Variants in TASP1 observed in about 807,000 individuals in gnomAD.
The protein encoded by TASP1 is threonine aspartase 1.
A neutral mutation model predicts 56.6 loss-of-function variants in TASP1; 16 were observed. That is an observed-to-expected ratio of 0.28 (90% CI 0.19 to 0.43). The LOEUF (loss-of-function observed/expected upper bound fraction) is 0.43. TASP1 is among the 20% of genes least tolerant of loss of function. TASP1 has a pLI of 1.00. For synonymous variants in TASP1, 179 were observed against 184.2 expected (o/e 0.97, Z 0.23); for missense variants, 393 against 511.6 (o/e 0.77, Z 2.24).
the TASP1 span, among the ~76,000 whole-genome samples, chr20:13,249,548 G>A: frequency 4.6e-4 from 70 of 152,280 alleles, no homozygotes; most frequent in East Asian, 0.011. Context: ...TATACACCTC[G>A]GAAAATAAAC....
chr20:13,559,301 A>T (rs988986908), intron 7 of TASP1, among the ~76,000 whole-genome samples, 187 bp from the exon 8 acceptor site: 6 of 152,144 alleles, frequency 3.9e-5, no homozygotes, highest in Non-Finnish European at 8.8e-5. Flanking sequence ...AAGATTTTAA[A>T]ATTAAGAAAA....
chr20:13,557,622 C>G (rs2046209039), intron 8 of TASP1, among the ~76,000 whole-genome samples: 2 of 144,540 alleles, frequency 1.4e-5, no homozygotes, highest in Non-Finnish European at 3.0e-5. Context: ...ACTCCATCAC[C>G]CAGGCTAGAG....
chr20:13,598,887 CA>C (rs1164847602), intron 4 of TASP1, among the ~76,000 whole-genome samples: 4 of 152,180 alleles, frequency 2.6e-5, no homozygotes, highest in African/African-American at 9.7e-5. Context: ...AGACACTTCT[CA>C]ATAGAAGACA....
chr20:13,273,900 T>C, the TASP1 span, among the ~76,000 whole-genome samples: 154 of 152,214 alleles, frequency 1.0e-3, no homozygotes, highest in Non-Finnish European at 2.0e-3. Context: ...ATTGATCTGA[T>C]GACGTTTTGG....
downstream of TASP1, among the ~76,000 whole-genome samples, chr20:13,386,450 T>C (rs2041163370): frequency 6.9e-6 from 1 of 145,936 alleles, no homozygotes; most frequent in Admixed American, 6.6e-5. Flanking sequence ...CTAATTTTTT[T>C]CCTAATAAGC....
intron 8 of TASP1, 94 bp from the exon 9 acceptor site, chr20:13,534,235 C>G (rs1416572889): frequency 7.8e-6 from 11 of 1,408,104 alleles, no homozygotes; most frequent in Non-Finnish European, 1.0e-5. Flanking sequence ...CATGACAGAA[C>G]AAAATCTAAA....
the TASP1 span, among the ~76,000 whole-genome samples, chr20:13,257,293 T>C: frequency 6.6e-6 from 1 of 152,086 alleles, no homozygotes; most frequent in Non-Finnish European, 1.5e-5. Flanking sequence ...AGTGGGAGGA[T>C]CATCTGAGGT....
rs546458539 is a variant in TASP1, at chr20:13,609,046, G to A, written c.282+14400C>T. On this transcript the variant is annotated intron_variant, in intron 4 of 13. Transcript: ENST00000337743. ...TAATTTCAGACTTATAGAAAAGTAC[G>A]ATAGTCTAGTATCTAGACTATATAA... 4.3e-4 allele frequency among the ~76,000 whole-genome samples: 65 copies of A among 152,180 alleles called. No individual in the cohort carries two copies. The South Asian group carries it at 5.4e-3, about 13-fold the overall frequency.
At chr20:13,263,374 C>T in the TASP1 span, among the ~76,000 whole-genome samples, 7 of 152,006 alleles carry the variant, frequency 4.6e-5, no homozygotes, top group Admixed American at 1.3e-4. Context: ...ATCGTGGTCT[C>T]CATCCATCTT....
chr20:13,305,225 A>G, the TASP1 span, among the ~76,000 whole-genome samples: 1 of 150,460 alleles, frequency 6.6e-6, no homozygotes, highest in South Asian at 2.1e-4. Flanking sequence ...AAAAACCCTT[A>G]ATTTTTATTA....
chr20:13,353,279 C>T, the TASP1 span, among the ~76,000 whole-genome samples: 3 of 150,934 alleles, frequency 2.0e-5, no homozygotes, highest in Non-Finnish European at 4.4e-5. Flanking sequence ...CCTTCCCTGT[C>T]TCTGTTGTAG....
chr20:13,120,896 C>T, the TASP1 span, among the ~76,000 whole-genome samples: 5 of 152,144 alleles, frequency 3.3e-5, no homozygotes, highest in Non-Finnish European at 7.4e-5. Flanking sequence ...GGGTTTGGAG[C>T]CGCTATAGAT....
chr20:13,612,491 A>AACACACACACACACAC (rs34343791), intron 4 of TASP1, among the ~76,000 whole-genome samples: 2 of 143,994 alleles, frequency 1.4e-5, no homozygotes, highest in Non-Finnish European at 3.1e-5. Flanking sequence ...ATTTGTAGCA[A>AACACACACACACACAC]ACACACACAC....
chr20:13,243,641 A>G, the TASP1 span, among the ~76,000 whole-genome samples: 1 of 145,218 alleles, frequency 6.9e-6, no homozygotes, highest in East Asian at 2.0e-4. Flanking sequence ...CTTTTCAAAT[A>G]TAAGCTATGA....
chr20:13,424,951 C>T (rs1365664331), intron 12 of TASP1, among the ~76,000 whole-genome samples: 2 of 152,088 alleles, frequency 1.3e-5, no homozygotes, highest in African/African-American at 4.8e-5. Context: ...TGTGAGAAAA[C>T]GTACACACCA....
At chr20:13,160,943 C>G in the TASP1 span, among the ~76,000 whole-genome samples, 1 of 152,124 alleles carries the variant, frequency 6.6e-6, no homozygotes, top group East Asian at 1.9e-4. Flanking sequence ...GAGCATCATT[C>G]AAGACTTCCA....
At chr20:13,230,154 G>A in the TASP1 span, among the ~76,000 whole-genome samples, 836 of 152,226 alleles carry the variant, frequency 5.5e-3, 8 homozygotes, top group African/African-American at 0.019. Context: ...TGGTTTTAAT[G>A]CCTCCAAAGC....
chr20:13,604,417 C>T (rs1416983322), intron 4 of TASP1, among the ~76,000 whole-genome samples: 1 of 152,190 alleles, frequency 6.6e-6, no homozygotes, highest in Non-Finnish European at 1.5e-5. Context: ...GATATACCGA[C>T]TCCTCCTTTG....
the TASP1 span, among the ~76,000 whole-genome samples, chr20:13,315,572 A>T: frequency 6.6e-6 from 1 of 152,150 alleles, no homozygotes; most frequent in East Asian, 1.9e-4. Context: ...ACATAGATGA[A>T]TCCATTATCA....
Sources: allele counts gnomAD v4.1 joint callset (sites outside exome capture counted in the v4.1 genomes callset), GRCh38; gene constraint gnomAD v4.1.1; transcripts MANE v1.5; gene names NCBI Gene and HGNC (gene_info 2026-07-23, HGNC 2026-07-21).